Variants in SRGAP3 observed in about 807,000 individuals in gnomAD.
The protein encoded by SRGAP3 is SLIT-ROBO Rho GTPase activating protein 3.
SRGAP3 carries 39 observed loss-of-function variants against 121.1 expected under a neutral mutation model. The ratio of observed to expected loss-of-function variants is 0.32; its 90% CI spans 0.25 to 0.42. The LOEUF (loss-of-function observed/expected upper bound fraction) is 0.42. Among genes scored for constraint, SRGAP3 ranks in the 10% least tolerant of loss-of-function variants. The probability of loss-of-function intolerance (pLI) is 1.00; values close to 1 mark genes in which losing one functional copy is unlikely to be tolerated. For missense variants in SRGAP3, 1,213 were observed against 1,470.6 expected, an observed-to-expected ratio of 0.82 and a Z score of 2.86; for synonymous variants, 601 against 570.0, an observed-to-expected ratio of 1.05 and a Z score of -0.77.
intron 10 of SRGAP3, among the ~76,000 whole-genome samples, chr3:9,043,677 T>C (rs900543442): frequency 6.6e-6 from 1 of 152,172 alleles, no homozygotes; most frequent in African/African-American, 2.4e-5. Context: ...CTTTACCTTC[T>C]GAGACCTGTT....
intron 18 of SRGAP3, among the ~76,000 whole-genome samples, chr3:9,001,761 T>C (rs1275261887): frequency 6.6e-6 from 1 of 152,170 alleles, no homozygotes; most frequent in Non-Finnish European, 1.5e-5. Flanking sequence ...AAAGCTAGAA[T>C]GACTATACTA....
intron 10 of SRGAP3, among the ~76,000 whole-genome samples, chr3:9,045,755 G>GA (rs1945239919): frequency 6.6e-6 from 1 of 152,206 alleles, no homozygotes; most frequent in African/African-American, 2.4e-5. Context: ...TTTTTTAAAA[G>GA]AAGATCTAGT....
chr3:9,330,283 C>G (rs1327403164), intron 2 of SRGAP3, among the ~76,000 whole-genome samples: 1 of 152,084 alleles, frequency 6.6e-6, no homozygotes, highest in Non-Finnish European at 1.5e-5. Flanking sequence ...CCTTTATGAC[C>G]CAGTCAGATA....
chr3:9,043,276 C>T (rs1945105804), intron 10 of SRGAP3, among the ~76,000 whole-genome samples: 1 of 152,198 alleles, frequency 6.6e-6, no homozygotes, highest in South Asian at 2.1e-4. Context: ...GCCTCAGCCT[C>T]CTGAGTAGCT....
At chr3:9,079,555 G>A (rs1041412194) in intron 4 of SRGAP3, among the ~76,000 whole-genome samples, 2 of 152,198 alleles carry the variant, frequency 1.3e-5, no homozygotes, top group Non-Finnish European at 2.9e-5. Context: ...ATGACCTCCC[G>A]TGATCCTCGG....
At chr3:9,136,688 T>C (rs1206183227) in intron 1 of SRGAP3, among the ~76,000 whole-genome samples, 15 of 152,118 alleles carry the variant, frequency 9.9e-5, no homozygotes, top group Admixed American at 7.2e-4. Flanking sequence ...GATGAGGAAA[T>C]TGAGGCCCAA....
intron 11 of SRGAP3, chr3:9,037,713 T>G (rs1574955569): frequency 2.6e-6 from 1 of 380,552 alleles, no homozygotes; most frequent in East Asian, 5.3e-5. Flanking sequence ...GGAAGAGAGG[T>G]CAACAGCCAC....
chr3:9,025,169 T>C (rs421041), intron 14 of SRGAP3, 92 bp downstream of exon 14: 1,024,884 of 1,345,618 alleles, frequency 0.76, 391,977 homozygotes, highest in South Asian at 0.87. Context: ...CACTGCAGGC[T>C]GGCTTCTGCA....
chr3:9,056,649 G>A (rs1263668736), intron 7 of SRGAP3, among the ~76,000 whole-genome samples: 1 of 152,172 alleles, frequency 6.6e-6, no homozygotes, highest in Non-Finnish European at 1.5e-5. Flanking sequence ...AAAACTAACT[G>A]GTTAATTTCA....
At chr3:9,058,124 G>T in intron 7 of SRGAP3, 127 bp downstream of exon 7, 1 of 993,250 alleles carries the variant, frequency 1.0e-6, no homozygotes, top group Non-Finnish European at 1.6e-6. Flanking sequence ...GGAAGCCCAT[G>T]AACCAGGAGC....
At position 9,071,582 on chromosome 3, in the gene SRGAP3, C is replaced by T. The variant is rs191741126; in HGVS notation, c.487-7001G>A. ...ACCACATGGGAGAAGCCTGCCAGATCATGAAGTCCACACAGAGGAAAACAA... is the reference window on the plus strand; with the variant it reads ...ACCACATGGGAGAAGCCTGCCAGATTATGAAGTCCACACAGAGGAAAACAA... On this transcript the variant is annotated intron_variant, in intron 4 of 21. Coordinates refer to ENST00000383836, the MANE Select transcript of SRGAP3 (RefSeq NM_014850.4). Among the ~76,000 whole-genome samples the T allele has an allele frequency of 2.0e-5, 3 of 152,038 alleles. No homozygotes were observed. In the East Asian group the frequency reaches 5.8e-4, roughly 29 times the overall value.
chr3:9,303,516 C>A (rs1955104442), intron 3 of SRGAP3, among the ~76,000 whole-genome samples: 1 of 152,014 alleles, frequency 6.6e-6, no homozygotes, highest in Non-Finnish European at 1.5e-5. Context: ...ATATACTACA[C>A]CTATATAGAG....
At chr3:9,122,757 G>A (rs889440326) in intron 2 of SRGAP3, among the ~76,000 whole-genome samples, 7 of 151,354 alleles carry the variant, frequency 4.6e-5, no homozygotes, top group African/African-American at 1.5e-4. Context: ...AAGAAGCACG[G>A]TATTTGCAAA....
intron 1 of SRGAP3, among the ~76,000 whole-genome samples, chr3:9,159,002 T>G (rs1950517020): frequency 6.6e-6 from 1 of 152,168 alleles, no homozygotes; most frequent in Non-Finnish European, 1.5e-5. Context: ...GCTGCTCACA[T>G]GCCTGAGATG....
chr3:9,002,876 T>C (rs1178345367), intron 18 of SRGAP3, among the ~76,000 whole-genome samples: 2 of 151,946 alleles, frequency 1.3e-5, no homozygotes, highest in Non-Finnish European at 2.9e-5. Flanking sequence ...AAACAAACTA[T>C]TGAAACTGAC....
intron 5 of SRGAP3, among the ~76,000 whole-genome samples, chr3:9,061,296 A>G (rs527356864): frequency 1.3e-5 from 2 of 152,216 alleles, no homozygotes; most frequent in African/African-American, 4.8e-5. Context: ...TGCTGCTCGC[A>G]CCTGAGAAGC....
intron 8 of SRGAP3, among the ~76,000 whole-genome samples, chr3:9,054,508 A>G (rs751299937): frequency 5.9e-5 from 9 of 152,222 alleles, no homozygotes; most frequent in Non-Finnish European, 1.3e-4. Context: ...ACCTTTCCAG[A>G]CCAAACCAAA....
At chr3:9,055,075 G>A (rs1356937568) in intron 8 of SRGAP3, among the ~76,000 whole-genome samples, 1 of 152,258 alleles carries the variant, frequency 6.6e-6, no homozygotes, top group Middle Eastern at 3.4e-3. Flanking sequence ...AAGATGTAGG[G>A]CATAAATAAA....
At chr3:9,083,846 G>A (rs1947343381) in intron 3 of SRGAP3, among the ~76,000 whole-genome samples, 1 of 152,060 alleles carries the variant, frequency 6.6e-6, no homozygotes, top group African/African-American at 2.4e-5. Flanking sequence ...ACTTCTTGGT[G>A]ACCAGAAGCC....
Sources: gnomAD v4.1 joint callset for allele counts (sites outside exome capture counted in the v4.1 genomes callset) on GRCh38, gnomAD v4.1.1 for gene constraint, MANE v1.5 for transcripts, NCBI Gene and HGNC (gene_info 2026-07-23, HGNC 2026-07-21) for gene names.